Variants in MAN2A1 observed in about 807,000 individuals in gnomAD.
MAN2A1 encodes mannosidase alpha class 2A member 1.
In MAN2A1, 76 loss-of-function variants were observed where a neutral mutation model predicts 142.6. That is an observed-to-expected ratio of 0.53 (90% CI 0.44 to 0.65). The LOEUF is 0.65. MAN2A1 is among the 30% of genes least tolerant of loss of function. The pLI, the probability that MAN2A1 is intolerant of heterozygous loss-of-function variation, is 0.00. For synonymous variants in MAN2A1, 559 were observed against 473.2 expected (o/e 1.18, Z -2.35); for missense variants, 1,311 against 1,365.1 (o/e 0.96, Z 0.62).
chr5:109,842,179 T>G, intron 16 of MAN2A1, 149 bp from the exon 17 acceptor site: 2 of 485,564 alleles, frequency 4.1e-6, no homozygotes, highest in Non-Finnish European at 7.1e-6. Context: ...AAAGTTAAAT[T>G]GTCATAGCAT....
chr5:109,775,137 C>G (rs1753248803), intron 8 of MAN2A1, among the ~76,000 whole-genome samples, 172 bp downstream of exon 8: 1 of 152,022 alleles, frequency 6.6e-6, no homozygotes, highest in Non-Finnish European at 1.5e-5. Flanking sequence ...TGCTATAGTT[C>G]CATATCTAAA....
rs774742245 is a variant in MAN2A1 at position 109,770,448 on chromosome 5, G to A, written c.1103G>A (p.Cys368Tyr). ...TGTGGACCTGATCCTAAAATATGCT[G>A]CCAGTTTGATTTTAAACGTCTTCCT... is the stretch of plus-strand genomic sequence containing the variant. ...HTCGPDPKIC[C>Y]QFDFKRLPGG... Residue 368 changes from cysteine to tyrosine, a missense_variant, in exon 7 of 22, where the codon TGC (cysteine) becomes TAC (tyrosine). Around this residue, in one of 3 missense-constraint regions of MAN2A1, gnomAD observed 12 missense variants for 31.9 expected, o/e 0.38. Coordinates refer to ENST00000261483, the MANE Select transcript of MAN2A1 (RefSeq NM_002372.4). 1 of 1,613,930 alleles carries A rather than the reference G, an allele frequency of 6.2e-7. No homozygotes were observed. The highest frequency in any genetic ancestry group is 8.5e-7 in the Non-Finnish European group (1 of 1,179,900).
intron 12 of MAN2A1, among the ~76,000 whole-genome samples, chr5:109,801,754 A>T (rs990536773): frequency 1.3e-5 from 2 of 152,168 alleles, no homozygotes; most frequent in African/African-American, 4.8e-5. Flanking sequence ...TGTTCTCAAG[A>T]CTTATCAGTT....
chr5:109,842,068 ACAT>A (rs1183060138), intron 16 of MAN2A1, among the ~76,000 whole-genome samples: 2 of 152,206 alleles, frequency 1.3e-5, no homozygotes, highest in Non-Finnish European at 2.9e-5. Context: ...TACATGTTAT[ACAT>A]CATCTACATT....
Position 109,713,567 on chromosome 5 carries a change from G to A in MAN2A1, c.183G>A (p.Leu61=), listed in dbSNP as rs1359742079. ...AAAAAATAGACCATTTGGAGCGTTT[G>A]CTAGCTGAGAATAATGAGATCATCT... ...LQEKIDHLER[L]LAENNEIISN... The change falls in exon 2 of 22, where the codon TTG becomes TTA. Residue 61 remains leucine (L), a synonymous_variant. Coordinates refer to ENST00000261483, the MANE Select transcript of MAN2A1 (RefSeq NM_002372.4). The A allele has an allele frequency of 1.2e-6, 2 of 1,613,642 alleles. No homozygotes were observed. Among genetic ancestry groups the A allele is most frequent in the East Asian group, 4.5e-5 (2 of 44,868 alleles).
chr5:109,693,086 T>C (rs956414229), intron 1 of MAN2A1, among the ~76,000 whole-genome samples: 1 of 152,148 alleles, frequency 6.6e-6, no homozygotes, highest in East Asian at 1.9e-4. Context: ...ATAGAGCATG[T>C]TGCTCTCTGG....
intron 16 of MAN2A1, among the ~76,000 whole-genome samples, chr5:109,828,511 A>T (rs1458659869): frequency 6.6e-6 from 1 of 152,222 alleles, no homozygotes; most frequent in Non-Finnish European, 1.5e-5. Flanking sequence ...ATTTGTCTTC[A>T]GAGCTGTAAT....
intron 19 of MAN2A1, among the ~76,000 whole-genome samples, chr5:109,851,426 G>C (rs956389064): frequency 3.3e-5 from 5 of 152,170 alleles, no homozygotes; most frequent in African/African-American, 1.2e-4. Flanking sequence ...GGGTCATGGG[G>C]GATCTGCCTC....
intron 8 of MAN2A1, among the ~76,000 whole-genome samples, chr5:109,779,251 T>C (rs1277694922): frequency 1.3e-5 from 2 of 152,310 alleles, no homozygotes; most frequent in East Asian, 3.9e-4. Context: ...AAGAAGGAAG[T>C]ATTTTTATCT....
intron 1 of MAN2A1, among the ~76,000 whole-genome samples, chr5:109,697,235 A>G (rs767591188): frequency 2.0e-5 from 3 of 152,188 alleles, no homozygotes; most frequent in Non-Finnish European, 2.9e-5. Context: ...TTTTCAGTGT[A>G]TTGTTTTTAT....
chr5:109,774,041 G>T (rs1170092500), intron 7 of MAN2A1, among the ~76,000 whole-genome samples: 1 of 152,078 alleles, frequency 6.6e-6, no homozygotes, highest in Non-Finnish European at 1.5e-5. Flanking sequence ...AGGACATTCT[G>T]CAGAATACTA....
At chr5:109,847,820 A>G (rs369591386) in intron 19 of MAN2A1, 30 bp downstream of exon 19, 19 of 1,427,964 alleles carry the variant, frequency 1.3e-5, no homozygotes, top group African/African-American at 5.9e-5. Context: ...ATGATCTGAT[A>G]TTGATTGTTC....
At chr5:109,836,502 C>G (rs1755060191) in intron 16 of MAN2A1, among the ~76,000 whole-genome samples, 1 of 152,110 alleles carries the variant, frequency 6.6e-6, no homozygotes, top group African/African-American at 2.4e-5. Flanking sequence ...AAGGGTGATG[C>G]CTTTTGTTTT....
At chr5:109,775,458 C>T (rs921447517) in intron 8 of MAN2A1, among the ~76,000 whole-genome samples, 3 of 145,116 alleles carry the variant, frequency 2.1e-5, no homozygotes, top group Admixed American at 7.0e-5. Context: ...TAAAATTAAT[C>T]GTTTGCCTAT....
chr5:109,797,156 A>G (rs1753885016), intron 12 of MAN2A1, among the ~76,000 whole-genome samples: 1 of 152,190 alleles, frequency 6.6e-6, no homozygotes, highest in African/African-American at 2.4e-5. Flanking sequence ...GAGAGCTGTG[A>G]AAAAGCTCTA....
chr5:109,770,505 C>G lies in MAN2A1; in HGVS notation c.1160C>G (p.Pro387Arg), dbSNP rs150646560. 4 of 1,613,768 alleles carry G rather than the reference C, an allele frequency of 2.5e-6. No individual in the cohort carries two copies. In the African/African-American group the frequency reaches 5.3e-5, roughly 22 times the overall value. Residue 387 changes from proline to arginine, a missense_variant, in exon 7 of 22, where the codon CCC (proline) becomes CGC (arginine). Physicochemically the swap from Pro to Arg is moderately radical, Grantham distance 103. Around this residue, in one of 3 missense-constraint regions of MAN2A1, gnomAD observed 890 missense variants for 920.5 expected, o/e 0.97. Transcript: ENST00000261483. ...AGATTTGGTTGTCCCTGGGGAGTCCCCCCAGAAACAATACATCCTGGAAAT... is the reference window on the plus strand; with the variant it reads ...AGATTTGGTTGTCCCTGGGGAGTCCGCCCAGAAACAATACATCCTGGAAAT... ...GGRFGCPWGV[P>R]PETIHPGNVQ... is the part of the protein sequence containing the mutation.
chr5:109,838,382 A>G (rs1755113141), intron 16 of MAN2A1, among the ~76,000 whole-genome samples: 1 of 152,180 alleles, frequency 6.6e-6, no homozygotes, highest in Non-Finnish European at 1.5e-5. Flanking sequence ...CCCCAGAGGG[A>G]CTTAGAAAGC....
At position 109,844,380 on chromosome 5, in the gene MAN2A1, C is replaced by T. The variant is rs550959577; in HGVS notation, c.2701-1485C>T. On this transcript the variant is annotated intron_variant, in intron 17 of 21. Coordinates refer to ENST00000261483, the MANE Select transcript of MAN2A1 (RefSeq NM_002372.4). ...GTGGGGAATCGGGGTAGCAACAACA[C>T]GATTGTGGTAGTTTTACATTTTTTA... 7.9e-5 allele frequency among the ~76,000 whole-genome samples: 12 copies of T among 152,034 alleles called. No individual in the cohort carries two copies. In the East Asian group the frequency reaches 1.7e-3, roughly 22 times the overall value.
At chr5:109,722,901 T>C (rs892846645) in intron 3 of MAN2A1, among the ~76,000 whole-genome samples, 2 of 152,160 alleles carry the variant, frequency 1.3e-5, no homozygotes, top group African/African-American at 4.8e-5. Flanking sequence ...CAAGCTCTGT[T>C]TGGGGAAGAC....
Sources: allele counts gnomAD v4.1 joint callset (sites outside exome capture counted in the v4.1 genomes callset), GRCh38; gene constraint gnomAD v4.1.1; regional missense constraint gnomAD v4.1.1; transcripts MANE v1.5; gene names NCBI Gene and HGNC (gene_info 2026-07-23, HGNC 2026-07-21).